SPTBN1: variants seen among roughly 807,000 people sequenced by gnomAD.
SPTBN1 encodes the protein spectrin beta chain, non-erythrocytic 1.
SPTBN1 carries 32 observed loss-of-function variants against 266.4 expected under a neutral mutation model. The observed-to-expected ratio is 0.12, with a 90% CI of 0.09 to 0.16. The LOEUF is 0.16. SPTBN1 is among the 10% of genes least tolerant of loss of function. The pLI is 1.00. For synonymous variants in SPTBN1, 1,336 were observed against 1,162.2 expected, an observed-to-expected ratio of 1.15 and a Z score of -3.04; for missense variants, 2,296 against 3,067.1, an observed-to-expected ratio of 0.75 and a Z score of 5.94.
intron 3 of SPTBN1, among the ~76,000 whole-genome samples, chr2:54,604,830 G>A (rs1322413119): frequency 2.0e-5 from 3 of 152,146 alleles, no homozygotes; most frequent in Non-Finnish European, 4.4e-5. Flanking sequence ...GGGAAGGGAA[G>A]CTTCTTAAAA....
At chr2:54,590,560 A>G (rs1675607889) in intron 2 of SPTBN1, among the ~76,000 whole-genome samples, 1 of 152,258 alleles carries the variant, frequency 6.6e-6, no homozygotes, top group South Asian at 2.1e-4. Context: ...GAGAGACCAC[A>G]TCCCATCAAA....
chr2:54,592,296 T>C (rs1675732233), intron 2 of SPTBN1, among the ~76,000 whole-genome samples: 1 of 152,250 alleles, frequency 6.6e-6, no homozygotes. Flanking sequence ...AAGAGGATGA[T>C]GGTGGAGAGG....
At chr2:54,616,406 G>C in intron 5 of SPTBN1, 108 bp downstream of exon 5, 1 of 912,710 alleles carries the variant, frequency 1.1e-6, no homozygotes, top group Non-Finnish European at 1.6e-6. Flanking sequence ...GCTTCCATTG[G>C]GAAGTCTTGT....
intron 3 of SPTBN1, among the ~76,000 whole-genome samples, chr2:54,607,074 T>G (rs760038561): frequency 5.3e-5 from 8 of 152,214 alleles, no homozygotes; most frequent in Non-Finnish European, 1.2e-4. Context: ...ACCTCTTTCT[T>G]TTTTTGGGGT....
intron 32 of SPTBN1, chr2:54,662,386 T>A (rs1297456775): frequency 1.0e-6 from 1 of 964,092 alleles, no homozygotes; most frequent in African/African-American, 1.8e-5. Context: ...GGTTTTCTCT[T>A]TCCTTCTAAC....
intron 17 of SPTBN1, among the ~76,000 whole-genome samples, chr2:54,634,327 C>A (rs1281538088): frequency 6.6e-6 from 1 of 152,212 alleles, no homozygotes; most frequent in African/African-American, 2.4e-5. Flanking sequence ...GCAGCAGCAG[C>A]CCTCAGTTGT....
intron 1 of SPTBN1, among the ~76,000 whole-genome samples, chr2:54,467,706 A>C (rs1180137686): frequency 1.3e-5 from 2 of 152,072 alleles, no homozygotes; most frequent in African/African-American, 4.8e-5. Context: ...TATAGTGATT[A>C]CAATAGTTTT....
chr2:54,590,798 A>G (rs1170794979), intron 2 of SPTBN1, among the ~76,000 whole-genome samples: 2 of 152,358 alleles, frequency 1.3e-5, no homozygotes, highest in East Asian at 3.9e-4. Flanking sequence ...CTGATGCCTT[A>G]GGAGAGCCCG....
At position 54,657,921 on chromosome 2, in the gene SPTBN1, C is replaced by G. The variant is rs757542523; in HGVS notation, c.6118C>G (p.Leu2040Val). 1.2e-6 allele frequency: 2 copies of G among 1,614,250 alleles called. No individual in the cohort carries two copies. Among genetic ancestry groups the G allele is most frequent in the South Asian group, 1.1e-5 (1 of 91,082 alleles). ...EAWLLGQEPY[L>V]SSREIGQSVD... ...CTGGCTGCTTGGACAGGAGCCGTACCTATCCAGCCGAGAGATAGGCCAGAG... is the reference window on the plus strand; with the variant it reads ...CTGGCTGCTTGGACAGGAGCCGTACGTATCCAGCCGAGAGATAGGCCAGAG... The change falls in exon 30 of 36, where the codon CTA (leucine) becomes GTA (valine). Residue 2040 changes from leucine to valine, a missense_variant. This residue lies in a region of SPTBN1 where 644 missense variants were observed against 745.3 expected (regional missense o/e 0.86). Coordinates refer to ENST00000356805, the MANE Select transcript of SPTBN1 (RefSeq NM_003128.3).
chr2:54,660,268 G>A (rs1680949696), intron 32 of SPTBN1: 2 of 1,313,090 alleles, frequency 1.5e-6, no homozygotes, highest in Middle Eastern at 2.4e-4. Context: ...TTGCCTTAAA[G>A]CAGCATACTT....
chr2:54,497,266 A>G (rs1669017160), intron 1 of SPTBN1, among the ~76,000 whole-genome samples: 1 of 152,232 alleles, frequency 6.6e-6, no homozygotes, highest in Non-Finnish European at 1.5e-5. Context: ...GAATTAATAC[A>G]TTTTGTTACA....
At chr2:54,656,090 T>A in intron 29 of SPTBN1, 92 bp downstream of exon 29, 1 of 1,151,298 alleles carries the variant, frequency 8.7e-7, no homozygotes, top group Non-Finnish European at 1.2e-6. Flanking sequence ...TGTTATCATT[T>A]AAAGATTGTT....
In SPTBN1 at chr2:54,517,290, G is replaced by A. The variant is rs892857510; in HGVS notation, c.-47-9082G>A. 2.4e-4 allele frequency among the ~76,000 whole-genome samples: 37 copies of A among 151,938 alleles called. 1 individual carries two copies. The highest frequency in any genetic ancestry group is 9.0e-4 in the African/African-American group (37 of 41,294). On this transcript the variant is annotated intron_variant, in intron 1 of 35. Transcript: ENST00000356805. ...ACAGAAGGTTTGAAATAAGGGGATA[G>A]AAAAATACATACCAGGCAAATATTA...
chr2:54,461,169 C>T lies in SPTBN1; in HGVS notation c.-48+4651C>T, dbSNP rs1303398847. Among the ~76,000 whole-genome samples, 15 of 152,196 alleles carry T rather than the reference C, an allele frequency of 9.9e-5. 1 individual carries two copies. Among genetic ancestry groups the T allele is most frequent in the Non-Finnish European group, 1.6e-4 (11 of 68,012 alleles). ...CTATGGTTTATCCTTTTTAAAAAAT[C>T]TTGATTGTGTATGATTTTGAACTTT... On this transcript the variant is annotated intron_variant, in intron 1 of 35. Transcript: ENST00000356805.
intron 2 of SPTBN1, among the ~76,000 whole-genome samples, chr2:54,598,849 C>G (rs1178974222): frequency 6.6e-6 from 1 of 152,176 alleles, no homozygotes; most frequent in Non-Finnish European, 1.5e-5. Flanking sequence ...ACAGATGCTC[C>G]TTGACTTATG....
intron 1 of SPTBN1, among the ~76,000 whole-genome samples, chr2:54,490,949 A>G (rs1260990700): frequency 3.9e-5 from 6 of 152,206 alleles, no homozygotes; most frequent in South Asian, 4.1e-4. Context: ...AAACTCTTGC[A>G]TGCCTTGAGA....
chr2:54,464,615 G>A (rs1693532212), intron 1 of SPTBN1, among the ~76,000 whole-genome samples: 1 of 152,172 alleles, frequency 6.6e-6, no homozygotes, highest in South Asian at 2.1e-4. Context: ...GAAGAATGCA[G>A]TAAATAATAT....
chr2:54,631,922 A>G (rs1181967420), intron 16 of SPTBN1, among the ~76,000 whole-genome samples: 2 of 152,100 alleles, frequency 1.3e-5, no homozygotes, highest in African/African-American at 4.8e-5. Context: ...TTTAAAAGAT[A>G]CAGTGAGGGC....
chr2:54,513,196 AAG>A (rs1456919697), intron 1 of SPTBN1, among the ~76,000 whole-genome samples: 7 of 152,218 alleles, frequency 4.6e-5, no homozygotes. Flanking sequence ...GCAAACAAAA[AAG>A]AAACCACACT....
Sources: gnomAD v4.1 joint callset for allele counts (sites outside exome capture counted in the v4.1 genomes callset) on GRCh38, gnomAD v4.1.1 for gene constraint, gnomAD v4.1.1 regional missense constraint, MANE v1.5 for transcripts, NCBI Gene and HGNC (gene_info 2026-07-23, HGNC 2026-07-21) for gene names.